Variants in SIK3 observed in about 807,000 individuals in gnomAD.
SIK3 encodes the protein serine/threonine-protein kinase SIK3.
SIK3 carries 28 observed loss-of-function variants against 144.2 expected under a neutral mutation model. The observed-to-expected ratio is 0.19, with a 90% CI of 0.14 to 0.27. SIK3 has a LOEUF of 0.27. Ranked by LOEUF, SIK3 falls within the 10% of genes least tolerant of loss-of-function variation. The pLI is 1.00. For synonymous variants in SIK3, 686 were observed against 676.3 expected, an observed-to-expected ratio of 1.01 and a Z score of -0.22; for missense variants, 1,319 against 1,776.0, an observed-to-expected ratio of 0.74 and a Z score of 4.62.
chr11:117,074,378 A>G (rs1954411441), intron 1 of SIK3, among the ~76,000 whole-genome samples: 1 of 152,194 alleles, frequency 6.6e-6, no homozygotes. Flanking sequence ...TGGGTAAAGT[A>G]GACAGATACT....
At chr11:117,003,358 C>G (rs1023430684) in intron 1 of SIK3, among the ~76,000 whole-genome samples, 25 of 152,140 alleles carry the variant, frequency 1.6e-4, no homozygotes, top group Non-Finnish European at 4.4e-5. Context: ...AATTCAAGCT[C>G]CAACACACTG....
At chr11:116,865,384 C>A (rs1232749655) in intron 15 of SIK3, among the ~76,000 whole-genome samples, 1 of 152,142 alleles carries the variant, frequency 6.6e-6, no homozygotes, top group Non-Finnish European at 1.5e-5. Context: ...ATACCCAGGT[C>A]AGTCCAGCAC....
chr11:116,874,063 C>G lies in SIK3; in HGVS notation c.1428-7G>C, dbSNP rs941858354. 1 of 1,612,472 alleles carries G rather than the reference C, an allele frequency of 6.2e-7. No individual in the cohort carries two copies. Among genetic ancestry groups the G allele is most frequent in the Non-Finnish European group, 8.5e-7 (1 of 1,179,560 alleles). On this transcript the variant is annotated splice_region_variant and splice_polypyrimidine_tract_variant and intron_variant, in intron 11 of 24. Transcript: ENST00000445177. Reference sequence around the variant, plus strand: ...ATCTTCCATAACTTCCGTGCTGATACAAAACAGAATGACAGAGAAGTTTAG... The same window carrying G: ...ATCTTCCATAACTTCCGTGCTGATAGAAAACAGAATGACAGAGAAGTTTAG...
At chr11:116,881,706 T>C (rs752005671) in intron 6 of SIK3, among the ~76,000 whole-genome samples, 2 of 152,104 alleles carry the variant, frequency 1.3e-5, no homozygotes, top group East Asian at 1.9e-4. Flanking sequence ...GAAAGATACA[T>C]AGAAAAGAGT....
At chr11:116,860,389 C>A (rs1021425218) in intron 19 of SIK3, among the ~76,000 whole-genome samples, 11 of 152,150 alleles carry the variant, frequency 7.2e-5, no homozygotes, top group African/African-American at 2.7e-4. Flanking sequence ...CCTAGGGAGA[C>A]TGACTAGGGA....
At chr11:116,899,951 CAGA>C (rs1366897881) in intron 4 of SIK3, among the ~76,000 whole-genome samples, 1 of 152,184 alleles carries the variant, frequency 6.6e-6, no homozygotes, top group Non-Finnish European at 1.5e-5. Context: ...CTACCTTCTA[CAGA>C]AGGTGTTTTT....
rs375411911 is a variant in SIK3, at chr11:116,849,596, C to T, written c.3656-313G>A. ...TGATCTATTCCCAAACCTAAATGCA[C>T]ATGAGAATTACTCTCGGAGCTTTCA... On this transcript the variant is annotated intron_variant, in intron 21 of 24. Transcript: ENST00000445177. The surrounding 1 kb of genome is among the most constrained non-coding windows in gnomAD (Gnocchi z 4.2). 9.0e-4 allele frequency among the ~76,000 whole-genome samples: 137 copies of T among 152,298 alleles called. No individual in the cohort carries two copies. The Middle Eastern group carries it at 0.014, about 15-fold the overall frequency.
At chr11:116,878,229 A>G (rs952528424) in intron 6 of SIK3, among the ~76,000 whole-genome samples, 3 of 152,024 alleles carry the variant, frequency 2.0e-5, no homozygotes, top group Non-Finnish European at 4.4e-5. Context: ...TCTCCATTAC[A>G]ATCTGTTTTC....
At chr11:117,097,402 T>A (rs1490464846) in intron 1 of SIK3, among the ~76,000 whole-genome samples, 2 of 152,000 alleles carry the variant, frequency 1.3e-5, no homozygotes, top group East Asian at 3.9e-4. Flanking sequence ...AACCCCTGAC[T>A]ACCTAGTGCC....
intron 1 of SIK3, among the ~76,000 whole-genome samples, chr11:116,987,771 T>G (rs1024981366): frequency 6.6e-6 from 1 of 152,150 alleles, no homozygotes; most frequent in Non-Finnish European, 1.5e-5. Flanking sequence ...TAAGAAACTA[T>G]ACTTTTGACT....
chr11:117,096,612 T>C (rs1955484994), intron 1 of SIK3, among the ~76,000 whole-genome samples: 1 of 152,066 alleles, frequency 6.6e-6, no homozygotes, highest in African/African-American at 2.4e-5. Flanking sequence ...ACCTGCAGAC[T>C]GGAGGCCCTG....
intron 1 of SIK3, among the ~76,000 whole-genome samples, chr11:116,995,887 T>C (rs1027635937): frequency 6.6e-6 from 1 of 152,182 alleles, no homozygotes; most frequent in Non-Finnish European, 1.5e-5. Flanking sequence ...TGGTAGAACC[T>C]GCCTGTAGTC....
At chr11:116,873,283 T>C (rs373079478) in intron 13 of SIK3, among the ~76,000 whole-genome samples, 198 bp downstream of exon 13, 45 of 152,320 alleles carry the variant, frequency 3.0e-4, no homozygotes, top group African/African-American at 1.0e-3. Flanking sequence ...TAGAAATAAC[T>C]TGGCTAAGTA....
chr11:117,093,558 C>T (rs1002276309), intron 1 of SIK3, among the ~76,000 whole-genome samples: 7 of 152,032 alleles, frequency 4.6e-5, no homozygotes, highest in Admixed American at 1.3e-4. Context: ...CAACTCTGTT[C>T]CATCATCAAC....
At chr11:116,879,469 C>T (rs1318170316) in intron 6 of SIK3, among the ~76,000 whole-genome samples, 1 of 152,186 alleles carries the variant, frequency 6.6e-6, no homozygotes, top group Non-Finnish European at 1.5e-5. Flanking sequence ...GTTGGGACTT[C>T]TAAGCTGTGC....
At chr11:116,903,788 G>A (rs1040674892) in intron 4 of SIK3, among the ~76,000 whole-genome samples, 1 of 152,138 alleles carries the variant, frequency 6.6e-6, no homozygotes, top group Non-Finnish European at 1.5e-5. Context: ...GTCTTGCTAT[G>A]TTGTCCAGGC....
intron 1 of SIK3, among the ~76,000 whole-genome samples, chr11:116,967,653 C>T (rs1482158133): frequency 6.6e-6 from 1 of 152,214 alleles, no homozygotes; most frequent in Non-Finnish European, 1.5e-5. Flanking sequence ...CATTTTCAGA[C>T]TGCATTTCAT....
intron 1 of SIK3, among the ~76,000 whole-genome samples, chr11:116,963,347 T>G (rs1298487518): frequency 1.3e-5 from 2 of 152,182 alleles, no homozygotes; most frequent in African/African-American, 4.8e-5. Context: ...AGGAGAAACT[T>G]CAAAGAAGTT....
intron 3 of SIK3, 23 bp from the exon 4 acceptor site, chr11:116,927,403 C>T (rs542748115): frequency 1.2e-6 from 2 of 1,605,138 alleles, no homozygotes; most frequent in African/African-American, 2.7e-5. Context: ...AGAATACAGT[C>T]AGTTTTCATT....
Sources: allele counts gnomAD v4.1 joint callset (sites outside exome capture counted in the v4.1 genomes callset), GRCh38; gene constraint gnomAD v4.1.1; non-coding constraint Gnocchi (gnomAD v3.1); transcripts MANE v1.5; gene names NCBI Gene and HGNC (gene_info 2026-07-23, HGNC 2026-07-21).